The following ZNF426 variants were observed in gnomAD, a reference collection of about 807,000 sequenced individuals.
ZNF426 encodes the protein CTC-543D15.7.
ZNF426 carries 23 observed loss-of-function variants against 24.0 expected under a neutral mutation model. The observed-to-expected ratio is 0.96, with a 90% CI of 0.69 to 1.36. The LOEUF is 1.36. Ranked by LOEUF, ZNF426 falls within the 40% of genes most tolerant of loss-of-function variation. ZNF426 has a pLI of 0.00. For missense variants in ZNF426, 646 were observed against 658.4 expected (o/e 0.98, Z 0.21); for synonymous variants, 272 against 224.6 (o/e 1.21, Z -1.89).
Position 9,532,923 on chromosome 19 carries a change from C to T in ZNF426, c.247G>A (p.Gly83Ser). The T allele has an allele frequency of 6.2e-7, 1 of 1,612,812 alleles. No individual in the cohort carries two copies. The highest frequency in any genetic ancestry group is 8.5e-7 in the Non-Finnish European group (1 of 1,178,980). ...ATTAGACTGGGTTTGATGATCTGAC[C>T]TCCTGAGCACAGAGAAATACATTAA... ...ENYKNLATVG[G>S]QIIKPSLISW... The change falls in exon 6 of 8, where the codon GGT becomes AGT. Residue 83 changes from glycine to serine, a missense_variant and splice_region_variant. By Grantham distance (56) the Gly-to-Ser change is moderately conservative. Transcript: ENST00000253115.
In ZNF426 at chr19:9,527,382, T is replaced by C. The variant is rs2073805621; in HGVS notation, c.*998A>G. 1 of 152,232 alleles carries C rather than the reference T, an allele frequency of 6.6e-6. No homozygotes were observed. 9.4% of individuals were successfully genotyped at this position (152,232 alleles called of 1,614,324 possible). ...GTCCACTCCAAGTTCCAGTATGGTGTATGGGGTCACATTCCTTGCGTTCAC... is the reference window on the plus strand; with the variant it reads ...GTCCACTCCAAGTTCCAGTATGGTGCATGGGGTCACATTCCTTGCGTTCAC... On this transcript the variant is annotated 3_prime_UTR_variant, in exon 8 of 8. Transcript: ENST00000253115.
At chr19:9,532,186 G>C (rs914203305) in intron 6 of ZNF426, among the ~76,000 whole-genome samples, 6 of 151,866 alleles carry the variant, frequency 4.0e-5, no homozygotes, top group African/African-American at 1.5e-4. Flanking sequence ...TCACACCCCA[G>C]GCAGGATGAC....
intron 4 of ZNF426, among the ~76,000 whole-genome samples, chr19:9,534,756 A>C (rs2073939756): frequency 6.6e-6 from 1 of 151,956 alleles, no homozygotes; most frequent in Admixed American, 6.6e-5. Flanking sequence ...CACTTTGCCC[A>C]GCTAATTTTT....
intron 4 of ZNF426, 62 bp from the exon 5 acceptor site, chr19:9,534,028 G>T: frequency 1.3e-6 from 2 of 1,582,168 alleles, no homozygotes; most frequent in South Asian, 2.3e-5. Flanking sequence ...TTCGCTGGAG[G>T]ATGAGGAAGG....
chr19:9,529,761 G>T, intron 7 of ZNF426, 125 bp from the exon 8 acceptor site: 1 of 840,402 alleles, frequency 1.2e-6, no homozygotes, highest in Non-Finnish European at 1.8e-6. Context: ...ATGCATTCAG[G>T]TCCTTCCCTG....
intron 6 of ZNF426, among the ~76,000 whole-genome samples, chr19:9,532,328 A>C (rs2073899251): frequency 8.1e-6 from 1 of 123,112 alleles, no homozygotes; most frequent in Admixed American, 1.0e-4. Flanking sequence ...CCAGGGTCTC[A>C]CTCTATCACC....
At chr19:9,536,504 C>G (rs571154412) in intron 2 of ZNF426, 148 bp from the exon 3 acceptor site, 5 of 615,612 alleles carry the variant, frequency 8.1e-6, no homozygotes, top group African/African-American at 5.6e-5. Context: ...AGTTTGAGAC[C>G]AGCCTGGGCA....
chr19:9,533,293 A>C (rs1472703299), intron 5 of ZNF426, among the ~76,000 whole-genome samples: 1 of 18,106 alleles, frequency 5.5e-5, no homozygotes, highest in South Asian at 2.3e-3. Context: ...TAAAAATACA[A>C]AAAAAAAAAA....
chr19:9,529,543 G>T lies in ZNF426; in HGVS notation c.502C>A (p.Gln168Lys). The T allele has an allele frequency of 6.2e-7, 1 of 1,611,476 alleles. No homozygotes were observed. Among genetic ancestry groups the T allele is most frequent in the Non-Finnish European group, 8.5e-7 (1 of 1,179,992 alleles). Residue 168 changes from glutamine to lysine, a missense_variant, in exon 8 of 8, where the codon CAA becomes AAA. Physicochemically the swap from Gln to Lys is moderately conservative, Grantham distance 53. Coordinates refer to ENST00000253115, the MANE Select transcript of ZNF426 (RefSeq NM_024106.3). ...HSCLKTHVRT[Q>K]STGNTHDCNQ... is the part of the protein sequence containing the mutation. ...CAGTCATGAGTGTTCCCTGTACTTT[G>T]AGTTCTCACGTGCGTCTTAAGGCAT...
chr19:9,529,250 T>C lies in ZNF426; in HGVS notation c.795A>G (p.Thr265=). Residue 265 remains threonine, a synonymous_variant, in exon 8 of 8, where the codon ACA becomes ACG. Coordinates refer to ENST00000253115, the MANE Select transcript of ZNF426 (RefSeq NM_024106.3). ...GGGTTTCTATAAGCACAGAAAGGCT[T>C]GTAGAGTCAATAAAACCTGGCCCAT... ...RNYGPGFIDS[T]SLSVLIETLN... is the part of the protein sequence containing the mutation. The C allele has an allele frequency of 1.2e-6, 2 of 1,613,888 alleles. No homozygotes were observed. The highest frequency in any genetic ancestry group is 1.7e-6 in the Non-Finnish European group (2 of 1,179,958).
chr19:9,529,818 G>C (rs2073855880), intron 7 of ZNF426, among the ~76,000 whole-genome samples, 182 bp from the exon 8 acceptor site: 1 of 151,976 alleles, frequency 6.6e-6, no homozygotes, highest in South Asian at 2.1e-4. Context: ...CTAGAATGTT[G>C]TGCCATCTAC....
chr19:9,534,706 C>T (rs977780195), intron 4 of ZNF426, among the ~76,000 whole-genome samples: 1 of 152,020 alleles, frequency 6.6e-6, no homozygotes, highest in Non-Finnish European at 1.5e-5. Context: ...GTGATCCTCC[C>T]ACTTCAGCCT....
chr19:9,536,683 T>TTTTTAA, intron 2 of ZNF426: 3 of 216,384 alleles, frequency 1.4e-5, no homozygotes, highest in Admixed American at 1.1e-4. Flanking sequence ...CAACTGGGCC[T>TTTTTAA]TGATTGGAAA....
chr19:9,535,077 C>CAAA (rs35638085), intron 4 of ZNF426, 111 bp downstream of exon 4: 275 of 415,926 alleles, frequency 6.6e-4, no homozygotes, highest in South Asian at 1.6e-3. Context: ...GACTCCCTCT[C>CAAA]AAAAAAAAAA....
rs774232275 is a variant in ZNF426 at position 9,528,737 on chromosome 19, A to G, written c.1308T>C (p.Asn436=). 2.5e-6 allele frequency: 4 copies of G among 1,614,000 alleles called. No individual in the cohort carries two copies. Among genetic ancestry groups the G allele is most frequent in the Non-Finnish European group, 3.4e-6 (4 of 1,180,002 alleles). ...GKVFGYPSCL[N]NHMRTHSAQK... is the part of the protein sequence containing the mutation. ...GGGCACTGTGCGTTCGCATGTGATT[A>G]TTAAGACATGAGGGATACCCAAATA... Residue 436 remains asparagine, a synonymous_variant, in exon 8 of 8, where the codon AAT becomes AAC. Transcript: ENST00000253115.
chr19:9,536,989 C>T (rs567319844), intron 2 of ZNF426, among the ~76,000 whole-genome samples: 7 of 151,926 alleles, frequency 4.6e-5, no homozygotes, highest in South Asian at 2.1e-4. Context: ...AAAAATTAGC[C>T]GGGCGTGGTG....
chr19:9,538,468 G>A (rs1161471042), intron 1 of ZNF426, 107 bp downstream of exon 1: 1 of 152,298 alleles, frequency 6.6e-6, no homozygotes, highest in Non-Finnish European at 1.5e-5. Flanking sequence ...CGGTCCGAGC[G>A]GACGCTAGCG....
At position 9,527,028 on chromosome 19, in the gene ZNF426, T is replaced by A. The variant is rs2144762593; in HGVS notation, c.*1352A>T. On this transcript the variant is annotated 3_prime_UTR_variant, in exon 8 of 8. Coordinates refer to ENST00000253115, the MANE Select transcript of ZNF426 (RefSeq NM_024106.3). Reference sequence around the variant, plus strand: ...TTGTGTGTGTTTATAGGCATAAAAGTGAAATATAGTAATGATGGAAGGTCT... The same window carrying A: ...TTGTGTGTGTTTATAGGCATAAAAGAGAAATATAGTAATGATGGAAGGTCT... 1 of 152,286 alleles carries A rather than the reference T, an allele frequency of 6.6e-6. No individual in the cohort carries two copies. Among genetic ancestry groups the A allele is most frequent in the Middle Eastern group, 3.4e-3 (1 of 294 alleles). 9.4% of individuals were successfully genotyped at this position (152,286 alleles called of 1,614,324 possible).
intron 2 of ZNF426, among the ~76,000 whole-genome samples, chr19:9,537,330 CCA>C (rs897230469): frequency 1.3e-5 from 2 of 152,032 alleles, no homozygotes; most frequent in Non-Finnish European, 2.9e-5. Flanking sequence ...GTCACAAAAA[CCA>C]CAGTTCTGGA....
Sources: allele counts gnomAD v4.1 joint callset (sites outside exome capture counted in the v4.1 genomes callset), GRCh38; gene constraint gnomAD v4.1.1; transcripts MANE v1.5; gene names NCBI Gene and HGNC (gene_info 2026-07-23, HGNC 2026-07-21).